The following MYO9B variants were observed in gnomAD, a reference collection of about 807,000 sequenced individuals.
The protein encoded by MYO9B is unconventional myosin-IXb.
A neutral mutation model predicts 229.5 loss-of-function variants in MYO9B; 71 were observed. That is an observed-to-expected ratio of 0.31 (90% CI 0.26 to 0.38). The LOEUF (loss-of-function observed/expected upper bound fraction) is 0.38. Among genes scored for constraint, MYO9B ranks in the 10% least tolerant of loss-of-function variants. The probability of loss-of-function intolerance (pLI) is 1.00; values close to 1 mark genes in which losing one functional copy is unlikely to be tolerated. For missense variants in MYO9B, 2,255 were observed against 2,920.5 expected (o/e 0.77, Z 5.25); for synonymous variants, 1,185 against 1,235.8 (o/e 0.96, Z 0.86).
intron 2 of MYO9B, among the ~76,000 whole-genome samples, chr19:17,134,377 G>GTTTTTTTTTTTTTTTTTTTTTTTTTTT (rs1568267173): frequency 2.5e-5 from 1 of 39,724 alleles, no homozygotes; most frequent in African/African-American, 9.5e-5. Context: ...TTTTCGTTTT[G>GTTTTTTTTTTTTTTTTTTTTTTTTTTT]TTTGTTTTTT....
Position 17,209,681 on chromosome 19 carries a change from G to A in MYO9B, c.5720G>A (p.Arg1907His), listed in dbSNP as rs770678301. 2.5e-6 allele frequency: 4 copies of A among 1,613,458 alleles called. No individual in the cohort carries two copies. The highest frequency in any genetic ancestry group is 1.3e-5 in the African/African-American group (1 of 75,074). ...QLEAAESIAF[R>H]RLSLLRQNAP... Reference sequence around the variant, plus strand: ...GAGGCTGCAGAGAGTATCGCCTTCCGCAGGCTTTCGCTCCTGCGACAAAAT... The same window carrying A: ...GAGGCTGCAGAGAGTATCGCCTTCCACAGGCTTTCGCTCCTGCGACAAAAT... The change falls in exon 36 of 40, where the codon CGC (arginine) becomes CAC (histidine). Residue 1907 changes from arginine to histidine, a missense_variant. By Grantham distance (29) the Arg-to-His change is conservative (BLOSUM62 0). Coordinates refer to ENST00000682292, the MANE Select transcript of MYO9B (RefSeq NM_004145.4).
chr19:17,198,403 G>A (rs899973068), intron 24 of MYO9B, 95 bp downstream of exon 24: 219 of 1,524,970 alleles, frequency 1.4e-4, no homozygotes, highest in Middle Eastern at 2.0e-4. Context: ...AACCAATCAC[G>A]TTTACAAAGC....
intron 1 of MYO9B, among the ~76,000 whole-genome samples, chr19:17,087,946 G>A (rs370430642): frequency 1.2e-3 from 178 of 143,522 alleles, no homozygotes; most frequent in African/African-American, 4.4e-3. Context: ...AAAAAAAAAC[G>A]AAAATTAGCC....
In MYO9B at chr19:17,143,042, C is replaced by T. The variant is rs59318646; in HGVS notation, c.841-2355C>T. ...TCACCTGAGGTCAGGAGTTCGAGAC[C>T]AGCCTGGACAACATGGGAAAACCCC... On this transcript the variant is annotated intron_variant, in intron 2 of 39. Coordinates refer to ENST00000682292, the MANE Select transcript of MYO9B (RefSeq NM_004145.4). Among the ~76,000 whole-genome samples the T allele has an allele frequency of 4.2e-3, 640 of 152,232 alleles. 2 individuals are homozygous for T. The highest frequency in any genetic ancestry group is 0.015 in the African/African-American group (614 of 41,538).
intron 2 of MYO9B, among the ~76,000 whole-genome samples, chr19:17,116,384 C>T (rs751231119): frequency 6.6e-6 from 1 of 152,216 alleles, no homozygotes; most frequent in Non-Finnish European, 1.5e-5. Flanking sequence ...TAGGAGGAAG[C>T]TGGCATCTGG....
intron 2 of MYO9B, among the ~76,000 whole-genome samples, chr19:17,117,115 A>G (rs1174790623): frequency 6.6e-6 from 1 of 152,020 alleles, no homozygotes; most frequent in Non-Finnish European, 1.5e-5. Flanking sequence ...GCCCTCCCCA[A>G]ATGTTCTGGG....
rs756209376 is a variant in MYO9B, at chr19:17,188,039, G to C, written c.2682G>C (p.Thr894=). Residue 894 remains threonine, a synonymous_variant, in exon 19 of 40, where the codon ACG becomes ACC. Coordinates refer to ENST00000682292, the MANE Select transcript of MYO9B (RefSeq NM_004145.4). ...GGTCAGGGTACAGCGCCAAGTACAC[G>C]TTCCAGGTAGGCCACAAGCACATAT... ...IRRSGYSAKY[T]FQDFTEQFQV... 1.3e-6 allele frequency: 2 copies of C among 1,590,114 alleles called. No individual in the cohort carries two copies. Among genetic ancestry groups the C allele is most frequent in the South Asian group, 1.1e-5 (1 of 87,344 alleles).
At chr19:17,100,071 G>T (rs1179423281) in intron 1 of MYO9B, among the ~76,000 whole-genome samples, 3 of 150,462 alleles carry the variant, frequency 2.0e-5, no homozygotes, top group Non-Finnish European at 4.4e-5. Context: ...GCAGTGAGCC[G>T]ACATCATGCC....
chr19:17,195,195 G>T lies in MYO9B; in HGVS notation c.3768G>T (p.Leu1256=). ...TGGAGCGGCCGACCAGCCTGGCCCT[G>T]GACAGCAGGGTCAGCCCACCGGCCC... ...GQLERPTSLA[L]DSRVSPPAPG... The change falls in exon 22 of 40, where the codon CTG becomes CTT. Residue 1256 remains leucine (L), a synonymous_variant. Transcript: ENST00000682292. The surrounding 1 kb of genome is among the most constrained non-coding windows in gnomAD (Gnocchi z 4.5). 6.2e-7 allele frequency: 1 copy of T among 1,611,816 alleles called. No individual in the cohort carries two copies.
rs199841902 is a variant in MYO9B, at chr19:17,175,658, G to T, written c.2141-5G>T. The stretch of plus-strand genomic sequence containing the variant: ...CCACCACCATCCACTCTGTGTCTCC[G>T]GCAGGTATGAGCAGCCCTGGTGCCC... On this transcript the variant is annotated splice_polypyrimidine_tract_variant and splice_region_variant and intron_variant, in intron 13 of 39. Coordinates refer to ENST00000682292, the MANE Select transcript of MYO9B (RefSeq NM_004145.4). The T allele has an allele frequency of 8.3e-6, 13 of 1,567,244 alleles. No individual in the cohort carries two copies. The East Asian group carries it at 3.1e-4, about 37-fold the overall frequency.
rs141932385 is a variant in MYO9B at position 17,205,858 on chromosome 19, G to T, written c.5065-102G>T. 3.9e-5 allele frequency: 45 copies of T among 1,152,582 alleles called. No homozygotes were observed. In the Admixed American group the frequency reaches 1.1e-3, roughly 28 times the overall value. The allele number at this position is 1,152,582 out of a possible 1,614,324, so 71.4% of individuals were successfully genotyped here. Reference sequence around the variant, plus strand: ...AGGGAGGGACAGAACAGCAGAGGAAGCCCTGAGGGCCTTGTGCGGGACCAG... The same window carrying T: ...AGGGAGGGACAGAACAGCAGAGGAATCCCTGAGGGCCTTGTGCGGGACCAG... On this transcript the variant is annotated intron_variant, in intron 31 of 39. Transcript: ENST00000682292.
At chr19:17,181,526 CTG>C (rs1368715615) in intron 15 of MYO9B, among the ~76,000 whole-genome samples, 3 of 152,240 alleles carry the variant, frequency 2.0e-5, no homozygotes, top group African/African-American at 7.2e-5. Context: ...TGTTAGCACA[CTG>C]TGGGATTGAG....
intron 2 of MYO9B, among the ~76,000 whole-genome samples, chr19:17,121,069 A>G (rs1016264394): frequency 1.4e-4 from 22 of 152,224 alleles, no homozygotes; most frequent in Middle Eastern, 3.4e-3. Flanking sequence ...TAGCCTCCCA[A>G]GTAGCTGGGA....
intron 2 of MYO9B, among the ~76,000 whole-genome samples, chr19:17,121,786 G>GA (rs1483231056): frequency 6.6e-6 from 1 of 152,162 alleles, no homozygotes; most frequent in South Asian, 2.1e-4. Context: ...AGGAGTTTGA[G>GA]ACCAGCCTGG....
At chr19:17,103,592 T>C in intron 2 of MYO9B, 1 of 152,402 alleles carries the variant, frequency 6.6e-6, no homozygotes, top group Non-Finnish European at 1.5e-5. Context: ...GGCTGGAGTG[T>C]GAGAGTCCCA....
At chr19:17,197,364 A>G (rs2073053937) in intron 22 of MYO9B, among the ~76,000 whole-genome samples, 2 of 151,744 alleles carry the variant, frequency 1.3e-5, no homozygotes, top group Admixed American at 1.3e-4. Flanking sequence ...AGATAGAGAC[A>G]ATGAGTCAAT....
rs59440394 is a variant in MYO9B, at chr19:17,090,118, C to CTTTTTTTTT, written c.-58-11507_-58-11499dup. On this transcript the variant is annotated intron_variant, in intron 1 of 39. Transcript: ENST00000682292. ...TATAGCATGAATCGGTGCTTCCTTC[C>CTTTTTTTTT]TTTTTTTTTTTTTTTTTTTTTTTTT... is the stretch of plus-strand genomic sequence containing the variant. 9.3e-4 allele frequency among the ~76,000 whole-genome samples: 46 copies of CTTTTTTTTT among 49,234 alleles called. 11 individuals are homozygous for CTTTTTTTTT. Among genetic ancestry groups the CTTTTTTTTT allele is most frequent in the East Asian group, 1.9e-3 (3 of 1,604 alleles). 32.3% of individuals were successfully genotyped at this position (49,234 alleles called of 152,430 possible).
chr19:17,116,729 A>G (rs1004433403), intron 2 of MYO9B, among the ~76,000 whole-genome samples: 2 of 152,110 alleles, frequency 1.3e-5, no homozygotes, highest in African/African-American at 4.8e-5. Context: ...TCCAAGCTGA[A>G]AAATGGGGCA....
intron 2 of MYO9B, among the ~76,000 whole-genome samples, chr19:17,143,819 G>A (rs1268484487): frequency 6.6e-6 from 1 of 152,236 alleles, no homozygotes; most frequent in East Asian, 1.9e-4. Context: ...TATTTGGGAG[G>A]CTGAGGCAGG....
Sources: allele counts gnomAD v4.1 joint callset (sites outside exome capture counted in the v4.1 genomes callset), GRCh38; gene constraint gnomAD v4.1.1; non-coding constraint Gnocchi (gnomAD v3.1); transcripts MANE v1.5; gene names NCBI Gene and HGNC (gene_info 2026-07-23, HGNC 2026-07-21).